CLEC16A: variants seen among roughly 807,000 people sequenced by gnomAD.
The protein encoded by CLEC16A is C-type lectin domain containing 16A.
A neutral mutation model predicts 109.5 loss-of-function variants in CLEC16A; 51 were observed. The ratio of observed to expected loss-of-function variants is 0.47; its 90% CI spans 0.37 to 0.59. CLEC16A has a LOEUF of 0.59. Ranked by LOEUF, CLEC16A falls within the 20% of genes least tolerant of loss-of-function variation. The probability of loss-of-function intolerance (pLI) is 0.00; values close to 1 mark genes in which losing one functional copy is unlikely to be tolerated. For missense variants in CLEC16A, 1,339 were observed against 1,394.0 expected (o/e 0.96, Z 0.63); for synonymous variants, 673 against 564.2 (o/e 1.19, Z -2.73).
chr16:11,153,786 A>C (rs543409662), intron 22 of CLEC16A, among the ~76,000 whole-genome samples: 1 of 152,174 alleles, frequency 6.6e-6, no homozygotes, highest in Admixed American at 6.5e-5. Context: ...AATATTAATA[A>C]TACTAAAAAA....
At chr16:11,119,174 T>A (rs1567344875) in intron 19 of CLEC16A, among the ~76,000 whole-genome samples, 5 of 152,104 alleles carry the variant, frequency 3.3e-5, no homozygotes. Flanking sequence ...TAATTTTTTT[T>A]ATTTTTTGGT....
intron 19 of CLEC16A, among the ~76,000 whole-genome samples, chr16:11,114,022 T>C (rs956815626): frequency 3.9e-5 from 6 of 152,244 alleles, no homozygotes; most frequent in African/African-American, 1.4e-4. Context: ...TGCCAGTTTC[T>C]CTGCATCCTC....
At chr16:10,948,728 A>G (rs1397899164) in intron 1 of CLEC16A, among the ~76,000 whole-genome samples, 3 of 152,148 alleles carry the variant, frequency 2.0e-5, no homozygotes, top group Admixed American at 2.0e-4. Context: ...ATGTCACTGA[A>G]TGGTCTGTCC....
At chr16:10,990,584 T>C (rs1490149512) in intron 10 of CLEC16A, among the ~76,000 whole-genome samples, 2 of 152,140 alleles carry the variant, frequency 1.3e-5, no homozygotes, top group South Asian at 2.1e-4. Flanking sequence ...GAGAAGCCAA[T>C]TGGTAACAAT....
chr16:11,029,399 C>T (rs1309600739), intron 13 of CLEC16A, among the ~76,000 whole-genome samples: 2 of 152,334 alleles, frequency 1.3e-5, no homozygotes, highest in South Asian at 4.1e-4. Flanking sequence ...AGCTCTCTCT[C>T]TGCAGCTCTC....
At chr16:11,010,681 C>G (rs958764795) in intron 11 of CLEC16A, among the ~76,000 whole-genome samples, 1 of 152,194 alleles carries the variant, frequency 6.6e-6, no homozygotes, top group Non-Finnish European at 1.5e-5. Flanking sequence ...TCATAGTATT[C>G]TCCTGCTGTG....
chr16:11,123,775 C>T lies in CLEC16A; in HGVS notation c.2302C>T (p.Arg768Cys), dbSNP rs200109215. The change falls in exon 21 of 24, where the codon CGT becomes TGT. Residue 768 changes from arginine (R) to cysteine (C), a missense_variant. Arg to Cys is a radical substitution (Grantham distance 180). This residue lies in a region of CLEC16A where 1,061 missense variants were observed against 1,006.8 expected (regional missense o/e 1.05). Transcript: ENST00000409790. The part of the protein sequence containing the change: ...MQVTGVEDDS[R>C]ALNITIHKPA... ...GGTGACTGGCGTGGAGGACGACAGC[C>T]GTGCCCTGAACATCACCATCCACAA... 5.6e-6 allele frequency: 9 copies of T among 1,613,950 alleles called. No homozygotes were observed. The highest frequency in any genetic ancestry group is 3.3e-5 in the Admixed American group (2 of 60,016).
intron 10 of CLEC16A, among the ~76,000 whole-genome samples, chr16:11,000,507 C>T (rs756869133): frequency 1.3e-4 from 20 of 152,314 alleles, no homozygotes; most frequent in Non-Finnish European, 2.4e-4. Flanking sequence ...AGGAAGCTAA[C>T]TTCCTGGGTT....
At position 10,957,788 on chromosome 16, in the gene CLEC16A, G is replaced by C. The variant is rs755550644; in HGVS notation, c.87G>C (p.Leu29=). The change falls in exon 2 of 24, where the codon CTG becomes CTC. Residue 29 remains leucine (L), a synonymous_variant. Transcript: ENST00000409790. ...NIHSLDHLKY[L]YHVLTKNTTV... ...TTTCTCTCATTTCTCTCAGGTATCTGTACCACGTTTTGACCAAAAACACCA... is the reference window on the plus strand; with the variant it reads ...TTTCTCTCATTTCTCTCAGGTATCTCTACCACGTTTTGACCAAAAACACCA... 6.2e-7 allele frequency: 1 copy of C among 1,613,806 alleles called. No homozygotes were observed. Among genetic ancestry groups the C allele is most frequent in the South Asian group, 1.1e-5 (1 of 91,076 alleles).
At chr16:11,052,815 G>A (rs754405248) in intron 18 of CLEC16A, among the ~76,000 whole-genome samples, 2 of 152,098 alleles carry the variant, frequency 1.3e-5, no homozygotes, top group African/African-American at 4.8e-5. Flanking sequence ...AGATCCCCCC[G>A]CACCCCTGAG....
chr16:11,106,309 G>T (rs12928945), intron 19 of CLEC16A, among the ~76,000 whole-genome samples: 18,667 of 152,016 alleles, frequency 0.12, 1,159 homozygotes, highest in South Asian at 0.14. Flanking sequence ...TTTTGTGGGG[G>T]AGAGTTAGAG....
rs752698955 is a variant in CLEC16A at position 10,944,759 on chromosome 16, C to T, written c.42C>T (p.Gly14=). 9.3e-6 allele frequency: 15 copies of T among 1,609,692 alleles called. No individual in the cohort carries two copies. The Admixed American group carries it at 1.2e-4, about 13-fold the overall frequency. Residue 14 remains glycine, a synonymous_variant, in exon 1 of 24, where the codon GGC becomes GGT. Coordinates refer to ENST00000409790, the MANE Select transcript of CLEC16A (RefSeq NM_015226.3). ...RSRSWVGGGH[G]KTSRNIHSLD... is the part of the protein sequence containing the mutation. ...GGAGCTGGGTGGGCGGGGGCCATGG[C>T]AAGACTTCCCGCAACATCCACTCCT...
chr16:11,073,564 GTGC>G (rs1476508495), intron 19 of CLEC16A, among the ~76,000 whole-genome samples: 24 of 152,160 alleles, frequency 1.6e-4, no homozygotes, highest in South Asian at 8.3e-4. Flanking sequence ...GATCCTCGCA[GTGC>G]AGCGGCCCAA....
chr16:10,957,956 A>G (rs1261785886), intron 2 of CLEC16A, 46 bp downstream of exon 2: 13 of 1,591,348 alleles, frequency 8.2e-6, no homozygotes, highest in African/African-American at 4.0e-5. Context: ...TCTTCTTTGA[A>G]TGTTTTTCTA....
At chr16:11,106,720 A>C (rs1286200207) in intron 19 of CLEC16A, among the ~76,000 whole-genome samples, 1 of 151,934 alleles carries the variant, frequency 6.6e-6, no homozygotes, top group African/African-American at 2.4e-5. Context: ...AATTTATTTC[A>C]AAGTAAATTG....
chr16:11,151,914 C>T (rs865984745), intron 22 of CLEC16A, among the ~76,000 whole-genome samples: 8 of 152,234 alleles, frequency 5.3e-5, no homozygotes, highest in Middle Eastern at 3.4e-3. Flanking sequence ...GAGCTGGAGA[C>T]GGGTGAGGAA....
rs562255139 is a variant in CLEC16A, at chr16:11,043,163, A to G, written c.1770+800A>G. Among the ~76,000 whole-genome samples the G allele has an allele frequency of 1.3e-4, 20 of 152,284 alleles. No individual in the cohort carries two copies. The East Asian group carries it at 3.3e-3, about 25-fold the overall frequency. On this transcript the variant is annotated intron_variant, in intron 15 of 23. Coordinates refer to ENST00000409790, the MANE Select transcript of CLEC16A (RefSeq NM_015226.3). ...GCCAAGTGCAGTGGCTCATGCATGT[A>G]ATTCCAACATTTTGGAAAGCTGAGG...
Position 11,063,852 on chromosome 16 carries a change from G to C in CLEC16A, c.2116+2830G>C, listed in dbSNP as rs188767207. ...CTAGAGAGGAGAGTGGCAGAGGGCA[G>C]AGGTCAGGAACTGGCAGCCACGTGT... On this transcript the variant is annotated intron_variant, in intron 19 of 23. Coordinates refer to ENST00000409790, the MANE Select transcript of CLEC16A (RefSeq NM_015226.3). Among the ~76,000 whole-genome samples, 370 of 152,100 alleles carry C rather than the reference G, an allele frequency of 2.4e-3. 1 individual carries two copies. The highest frequency in any genetic ancestry group is 8.6e-3 in the African/African-American group (358 of 41,492).
At chr16:11,073,978 CA>C (rs2049210346) in intron 19 of CLEC16A, among the ~76,000 whole-genome samples, 1 of 152,206 alleles carries the variant, frequency 6.6e-6, no homozygotes, top group Non-Finnish European at 1.5e-5. Context: ...CATTAACATA[CA>C]TTTGAATAGT....
Sources: gnomAD v4.1 joint callset for allele counts (sites outside exome capture counted in the v4.1 genomes callset) on GRCh38, gnomAD v4.1.1 for gene constraint, gnomAD v4.1.1 regional missense constraint, MANE v1.5 for transcripts, NCBI Gene and HGNC (gene_info 2026-07-23, HGNC 2026-07-21) for gene names.